The following CLPB variants were observed in gnomAD, a reference collection of about 807,000 sequenced individuals.
CLPB encodes the protein ClpB family mitochondrial disaggregase, also known as mitochondrial disaggregase.
A neutral mutation model predicts 78.4 loss-of-function variants in CLPB; 40 were observed. The ratio of observed to expected loss-of-function variants is 0.51; its 90% CI spans 0.40 to 0.66. The LOEUF (loss-of-function observed/expected upper bound fraction) is 0.66, where lower values mean the gene tolerates loss of function less well. Among genes scored for constraint, CLPB ranks in the 30% least tolerant of loss-of-function variants. The probability of loss-of-function intolerance (pLI) is 0.00; values close to 1 mark genes in which losing one functional copy is unlikely to be tolerated. For synonymous variants in CLPB, 333 were observed against 348.0 expected, an observed-to-expected ratio of 0.96 and a Z score of 0.48; for missense variants, 780 against 886.9, an observed-to-expected ratio of 0.88 and a Z score of 1.53.
intron 5 of CLPB, among the ~76,000 whole-genome samples, chr11:72,344,154 T>A (rs1950469735): frequency 6.6e-6 from 1 of 152,180 alleles, no homozygotes; most frequent in Non-Finnish European, 1.5e-5. Context: ...TCTCCATGGG[T>A]GCAGTAATCT....
Position 72,286,408 on chromosome 11 carries a change from C to G in CLPB, c.*6959G>C, listed in dbSNP as rs1156904667. 6.6e-6 allele frequency: 1 copy of G among 151,630 alleles called. No individual in the cohort carries two copies. The highest frequency in any genetic ancestry group is 2.4e-5 in the African/African-American group (1 of 41,238). 9.4% of individuals were successfully genotyped at this position (151,630 alleles called of 1,614,324 possible). A position where few individuals can be genotyped will look rare whatever the true frequency, so the allele number is the denominator to read the frequency against. On this transcript the variant is annotated 3_prime_UTR_variant, in exon 16 of 16. Coordinates refer to ENST00000538039, the MANE Select transcript of CLPB (RefSeq NM_001258392.3). ...ATGCCTGGCCTGAAATAACTTTATACTTAAAAGTTGCAAAAACAATACAAA... is the reference window on the plus strand; with the variant it reads ...ATGCCTGGCCTGAAATAACTTTATAGTTAAAAGTTGCAAAAACAATACAAA...
intron 2 of CLPB, among the ~76,000 whole-genome samples, chr11:72,405,251 G>C (rs1203150197): frequency 6.6e-6 from 1 of 152,236 alleles, no homozygotes; most frequent in Non-Finnish European, 1.5e-5. Context: ...TCATTAGGCA[G>C]CTCCATCTGG....
At position 72,286,104 on chromosome 11, in the gene CLPB, T is replaced by C. The variant is rs1949383999; in HGVS notation, c.*7263A>G. On this transcript the variant is annotated 3_prime_UTR_variant, in exon 16 of 16. Coordinates refer to ENST00000538039, the MANE Select transcript of CLPB (RefSeq NM_001258392.3). ...ATGCCACCACAACCAGCTAATTTTTTGCAGAGATGGGGTTTCACCATGTTG... is the reference window on the plus strand; with the variant it reads ...ATGCCACCACAACCAGCTAATTTTTCGCAGAGATGGGGTTTCACCATGTTG... 1 of 152,016 alleles carries C rather than the reference T, an allele frequency of 6.6e-6. No individual in the cohort carries two copies. 9.4% of individuals were successfully genotyped at this position (152,016 alleles called of 1,614,324 possible). A position where few individuals can be genotyped will look rare whatever the true frequency, so the allele number is the denominator to read the frequency against.
At chr11:72,360,380 T>A (rs1283988607) in intron 4 of CLPB, among the ~76,000 whole-genome samples, 1 of 152,154 alleles carries the variant, frequency 6.6e-6, no homozygotes, top group African/African-American at 2.4e-5. Context: ...GTCTATGCAA[T>A]ACTAAATGTC....
At chr11:72,304,299 T>C (rs534876148) in intron 9 of CLPB, 2 of 152,278 alleles carry the variant, frequency 1.3e-5, no homozygotes, top group South Asian at 4.1e-4. Flanking sequence ...CATTTAACCT[T>C]CCGAACAATC....
intron 15 of CLPB, 128 bp from the exon 16 acceptor site, chr11:72,293,743 C>A: frequency 1.7e-6 from 2 of 1,186,586 alleles, no homozygotes; most frequent in East Asian, 2.6e-5. Context: ...TCTCATTTGC[C>A]AATTGGGGCT....
chr11:72,327,703 G>A (rs774462557), intron 6 of CLPB, among the ~76,000 whole-genome samples: 3 of 152,224 alleles, frequency 2.0e-5, no homozygotes, highest in African/African-American at 7.2e-5. Flanking sequence ...GGGCTTGAAA[G>A]GGGAGCTGAT....
chr11:72,397,870 G>A (rs911799015), intron 3 of CLPB, among the ~76,000 whole-genome samples: 1 of 152,046 alleles, frequency 6.6e-6, no homozygotes, highest in South Asian at 2.1e-4. Context: ...AAGGGACTAG[G>A]AACAACTTAA....
At chr11:72,359,081 T>C (rs1254047462) in intron 4 of CLPB, 73 bp from the exon 5 acceptor site, 2 of 1,605,904 alleles carry the variant, frequency 1.2e-6, no homozygotes, top group Non-Finnish European at 8.5e-7. Context: ...TGTTTTCTAG[T>C]GGCATTTTAA....
At chr11:72,373,635 C>G (rs961629051) in intron 4 of CLPB, among the ~76,000 whole-genome samples, 1 of 152,156 alleles carries the variant, frequency 6.6e-6, no homozygotes, top group African/African-American at 2.4e-5. Flanking sequence ...CAAAGCCCAA[C>G]TCAAATCCCA....
chr11:72,407,972 T>A (rs1423179235), intron 2 of CLPB: 3 of 685,030 alleles, frequency 4.4e-6, no homozygotes, highest in Non-Finnish European at 7.5e-6. Context: ...TCTAACATCC[T>A]AAAGGAAGGC....
At chr11:72,367,845 A>G (rs1950973416) in intron 4 of CLPB, among the ~76,000 whole-genome samples, 2 of 152,066 alleles carry the variant, frequency 1.3e-5, no homozygotes, top group South Asian at 4.1e-4. Context: ...GGAGAGGAAG[A>G]GAAGCTTTTT....
chr11:72,360,577 C>T (rs544288034), intron 4 of CLPB, among the ~76,000 whole-genome samples: 1 of 152,138 alleles, frequency 6.6e-6, no homozygotes, highest in African/African-American at 2.4e-5. Flanking sequence ...GCTGGGATTA[C>T]AGGTGCCCGC....
chr11:72,340,442 T>C (rs1380475354), intron 5 of CLPB, among the ~76,000 whole-genome samples: 2 of 152,012 alleles, frequency 1.3e-5, no homozygotes, highest in African/African-American at 2.4e-5. Context: ...CAGGAAAGAG[T>C]TCCAGGCAGT....
chr11:72,389,707 T>C (rs1855189726), intron 3 of CLPB, among the ~76,000 whole-genome samples: 1 of 151,970 alleles, frequency 6.6e-6, no homozygotes, highest in African/African-American at 2.4e-5. Flanking sequence ...AGGAGGATCA[T>C]TTGAGCCCAG....
At chr11:72,361,875 A>G (rs1950845834) in intron 4 of CLPB, among the ~76,000 whole-genome samples, 1 of 152,232 alleles carries the variant, frequency 6.6e-6, no homozygotes, top group Non-Finnish European at 1.5e-5. Flanking sequence ...CAGACCACTG[A>G]GCAGACAAAT....
intron 5 of CLPB, among the ~76,000 whole-genome samples, chr11:72,335,223 G>C (rs1590810107): frequency 6.6e-6 from 1 of 152,110 alleles, no homozygotes; most frequent in East Asian, 1.9e-4. Flanking sequence ...CAGTGGCAAT[G>C]GTGTTGGTGG....
chr11:72,428,520 C>G (rs528661737), intron 2 of CLPB, among the ~76,000 whole-genome samples: 5 of 152,328 alleles, frequency 3.3e-5, no homozygotes, highest in South Asian at 4.1e-4. Flanking sequence ...TCCGCAGGCC[C>G]AGCAGCCAGC....
chr11:72,391,201 C>T (rs1035025472), intron 3 of CLPB, among the ~76,000 whole-genome samples: 1 of 152,152 alleles, frequency 6.6e-6, no homozygotes, highest in East Asian at 1.9e-4. Context: ...AAACAATGAA[C>T]TCCCTGCAGT....
Sources: allele counts gnomAD v4.1 joint callset (sites outside exome capture counted in the v4.1 genomes callset), GRCh38; gene constraint gnomAD v4.1.1; transcripts MANE v1.5; gene names NCBI Gene and HGNC (gene_info 2026-07-23, HGNC 2026-07-21).